Variants in CAPZA2 observed in about 807,000 individuals in gnomAD.
The protein encoded by CAPZA2 is F-actin-capping protein subunit alpha-2.
Under a neutral mutation model 44.0 loss-of-function variants are expected in CAPZA2, and 13 were observed. That is an observed-to-expected ratio of 0.30 (90% CI 0.19 to 0.47). The LOEUF is 0.47. Among genes scored for constraint, CAPZA2 ranks in the 20% least tolerant of loss-of-function variants. The pLI, the probability that CAPZA2 is intolerant of heterozygous loss-of-function variation, is 1.00. For missense variants in CAPZA2, 244 were observed against 338.6 expected, an observed-to-expected ratio of 0.72 and a Z score of 2.19; for synonymous variants, 94 against 108.2, an observed-to-expected ratio of 0.87 and a Z score of 0.81.
chr7:116,902,988 C>T lies in CAPZA2; in HGVS notation c.220-1189C>T, dbSNP rs543926898. 2.4e-4 allele frequency among the ~76,000 whole-genome samples: 37 copies of T among 152,284 alleles called. No homozygotes were observed. In the South Asian group the frequency reaches 7.3e-3, roughly 30 times the overall value. On this transcript the variant is annotated intron_variant, in intron 4 of 9. Coordinates refer to ENST00000361183, the MANE Select transcript of CAPZA2 (RefSeq NM_006136.3). ...TTGGCCTCCCAAAGCACTAGGATTA[C>T]AGGCATGAGCTACCACACCCAGTCT...
intron 1 of CAPZA2, among the ~76,000 whole-genome samples, chr7:116,884,937 A>T (rs187118803): frequency 3.9e-5 from 6 of 152,134 alleles, no homozygotes; most frequent in African/African-American, 1.4e-4. Context: ...TTTTAGCCAT[A>T]CTATTAGGTA....
At chr7:116,898,344 T>C (rs183469086) in intron 3 of CAPZA2, among the ~76,000 whole-genome samples, 1 of 152,248 alleles carries the variant, frequency 6.6e-6, no homozygotes, top group Admixed American at 6.5e-5. Flanking sequence ...GTTATGGTTA[T>C]GTTTATCCAT....
intron 2 of CAPZA2, among the ~76,000 whole-genome samples, chr7:116,888,872 C>T (rs987237747): frequency 3.8e-4 from 57 of 151,780 alleles, no homozygotes; most frequent in African/African-American, 1.3e-3. Flanking sequence ...TTCATCATGA[C>T]CATATATTTT....
chr7:116,886,726 G>A (rs1796765927), intron 1 of CAPZA2, among the ~76,000 whole-genome samples: 1 of 152,204 alleles, frequency 6.6e-6, no homozygotes, highest in African/African-American at 2.4e-5. Context: ...TTGGTCTGGG[G>A]CCAATGAATT....
intron 2 of CAPZA2, among the ~76,000 whole-genome samples, chr7:116,890,528 AT>A (rs1796822546): frequency 2.0e-3 from 13 of 6,660 alleles, no homozygotes; most frequent in African/African-American, 3.8e-3. Flanking sequence ...AAAAAAAAAT[AT>A]ATATATATAT....
At chr7:116,905,906 A>G (rs1249641897) in intron 5 of CAPZA2, among the ~76,000 whole-genome samples, 1 of 152,210 alleles carries the variant, frequency 6.6e-6, no homozygotes, top group Non-Finnish European at 1.5e-5. Flanking sequence ...GATAATCACA[A>G]GCTAGGTCCA....
chr7:116,912,656 AG>A (rs957359891), intron 8 of CAPZA2, among the ~76,000 whole-genome samples: 1 of 152,216 alleles, frequency 6.6e-6, no homozygotes, highest in Non-Finnish European at 1.5e-5. Context: ...AGCATGTATT[AG>A]TACGTTGTTC....
Position 116,919,322 on chromosome 7 carries a change from T to G in CAPZA2, c.*1455T>G, listed in dbSNP as rs925783171. 1.3e-5 allele frequency: 2 copies of G among 152,576 alleles called. No homozygotes were observed. The highest frequency in any genetic ancestry group is 2.9e-5 in the Non-Finnish European group (2 of 68,032). The allele number at this position is 152,576 out of a possible 1,614,324, so 9.5% of individuals were successfully genotyped here. A position where few individuals can be genotyped will look rare whatever the true frequency, so the allele number is the denominator to read the frequency against. On this transcript the variant is annotated 3_prime_UTR_variant, in exon 10 of 10. Transcript: ENST00000361183. ...ACAAGTTTTGGCACATTGGGATTCC[T>G]AAAGAAAATGAATTGGTAACATTAA...
At chr7:116,914,632 A>T (rs1791655928) in intron 8 of CAPZA2, among the ~76,000 whole-genome samples, 1 of 151,878 alleles carries the variant, frequency 6.6e-6, no homozygotes, top group African/African-American at 2.4e-5. Context: ...CAGCTAATTT[A>T]TTTTTTGTAG....
At chr7:116,904,042 T>C in intron 4 of CAPZA2, 135 bp from the exon 5 acceptor site, 1 of 619,690 alleles carries the variant, frequency 1.6e-6, no homozygotes, top group Admixed American at 2.9e-5. Context: ...AGTTGTACCA[T>C]ATGGTTAAAA....
Position 116,862,598 on chromosome 7 carries a change from T to C in CAPZA2, c.-14T>C. 6.5e-7 allele frequency: 1 copy of C among 1,537,226 alleles called. No homozygotes were observed. The highest frequency in any genetic ancestry group is 1.4e-5 in the African/African-American group (1 of 71,012). ...CTGCCGCCGCCGCCGCCGCGGTTTG[T>C]CGCCAGAAGGAAGATGGCGGATCTG... is the stretch of plus-strand genomic sequence containing the variant. On this transcript the variant is annotated 5_prime_UTR_variant, in exon 1 of 10. Coordinates refer to ENST00000361183, the MANE Select transcript of CAPZA2 (RefSeq NM_006136.3).
At chr7:116,875,117 A>T (rs944946955) in intron 1 of CAPZA2, 2 of 151,680 alleles carry the variant, frequency 1.3e-5, no homozygotes, top group Admixed American at 1.3e-4. Flanking sequence ...TGGAATCAAC[A>T]TTATCTGGTT....
chr7:116,921,920 A>T lies in CAPZA2; in HGVS notation c.*4053A>T, dbSNP rs1294879635. Reference sequence around the variant, plus strand: ...TCTGGCATGAGTGGTGCTTTTCCAGAGTACACTTGGATATATGATTACATT... The same window carrying T: ...TCTGGCATGAGTGGTGCTTTTCCAGTGTACACTTGGATATATGATTACATT... On this transcript the variant is annotated 3_prime_UTR_variant, in exon 10 of 10. Coordinates refer to ENST00000361183, the MANE Select transcript of CAPZA2 (RefSeq NM_006136.3). The T allele has an allele frequency of 6.6e-6, 1 of 152,196 alleles. No individual in the cohort carries two copies. The highest frequency in any genetic ancestry group is 2.4e-5 in the African/African-American group (1 of 41,446). 9.4% of individuals were successfully genotyped at this position (152,196 alleles called of 1,614,324 possible).
At chr7:116,890,509 T>TAAAAAA (rs1159101707) in intron 2 of CAPZA2, among the ~76,000 whole-genome samples, 5 of 29,236 alleles carry the variant, frequency 1.7e-4, no homozygotes, top group African/African-American at 6.3e-4. Flanking sequence ...TGTCTCTACT[T>TAAAAAA]AAAAAAAAAA....
At position 116,868,635 on chromosome 7, in the gene CAPZA2, G is replaced by A. The variant is rs577442283; in HGVS notation, c.39+5985G>A. On this transcript the variant is annotated intron_variant, in intron 1 of 9. Transcript: ENST00000361183. ...TGTAGTCCCAGCTACTCGGGAGGCCGAGGCAGGAGAATCGCTTGGACCCGG... is the reference window on the plus strand; with the variant it reads ...TGTAGTCCCAGCTACTCGGGAGGCCAAGGCAGGAGAATCGCTTGGACCCGG... Among the ~76,000 whole-genome samples the A allele has an allele frequency of 2.0e-5, 3 of 152,268 alleles. No individual in the cohort carries two copies. The South Asian group carries it at 6.2e-4, about 32-fold the overall frequency.
intron 6 of CAPZA2, chr7:116,909,971 G>A (rs1791568647): frequency 2.3e-6 from 1 of 438,030 alleles, no homozygotes; most frequent in Non-Finnish European, 4.2e-6. Flanking sequence ...AGCCTGAATT[G>A]TATTTTAAGC....
At chr7:116,892,970 G>A in intron 2 of CAPZA2, 24 bp from the exon 3 acceptor site, 1 of 1,533,492 alleles carries the variant, frequency 6.5e-7, no homozygotes, top group Non-Finnish European at 9.0e-7. Flanking sequence ...CAATAATAAT[G>A]TAGATAACAT....
At chr7:116,891,605 G>A (rs1243518011) in intron 2 of CAPZA2, among the ~76,000 whole-genome samples, 4 of 152,200 alleles carry the variant, frequency 2.6e-5, no homozygotes, top group Middle Eastern at 3.4e-3. Flanking sequence ...TCCGCCTCCC[G>A]GGTTCACGCC....
chr7:116,906,053 G>GT (rs1466580607), intron 5 of CAPZA2, among the ~76,000 whole-genome samples: 1 of 152,092 alleles, frequency 6.6e-6, no homozygotes, highest in East Asian at 1.9e-4. Flanking sequence ...ATTTTATTTA[G>GT]TGTCCCCTTT....
Sources: allele counts gnomAD v4.1 joint callset (sites outside exome capture counted in the v4.1 genomes callset), GRCh38; gene constraint gnomAD v4.1.1; transcripts MANE v1.5; gene names NCBI Gene and HGNC (gene_info 2026-07-23, HGNC 2026-07-21).